The following TRIM4 variants were observed in gnomAD, a reference collection of about 807,000 sequenced individuals.
TRIM4 encodes tripartite motif containing 4.
TRIM4 carries 29 observed loss-of-function variants against 33.7 expected under a neutral mutation model. The ratio of observed to expected loss-of-function variants is 0.86; its 90% confidence interval spans 0.64 to 1.17. The LOEUF (loss-of-function observed/expected upper bound fraction) is 1.17. TRIM4 is among the 50% of genes most tolerant of loss of function. TRIM4 has a pLI of 0.00. For missense variants in TRIM4, 554 were observed against 593.7 expected (o/e 0.93, Z 0.69); for synonymous variants, 224 against 233.0 (o/e 0.96, Z 0.35).
intron 5 of TRIM4, among the ~76,000 whole-genome samples, chr7:99,900,042 T>C (rs1435556633): frequency 6.6e-6 from 1 of 152,182 alleles, no homozygotes; most frequent in Non-Finnish European, 1.5e-5. Context: ...TAACTCAGCC[T>C]CCCAAAGAAT....
rs756832585 is a variant in TRIM4, at chr7:99,919,440, C to A, written c.-39G>T. ...CGCGGAGACGGAGTCCGACGTGAGG[C>A]GCGGGAGAGGCCAGCAAGCTGCGAG... On this transcript the variant is annotated 5_prime_UTR_variant, in exon 1 of 6. Coordinates refer to ENST00000349062, the MANE Select transcript of TRIM4 (RefSeq NM_033091.3). 2 of 1,482,944 alleles carry A rather than the reference C, an allele frequency of 1.3e-6. No individual in the cohort carries two copies. The highest frequency in any genetic ancestry group is 2.7e-5 in the South Asian group (2 of 74,560). The allele number at this position is 1,482,944 out of a possible 1,614,324, so 91.9% of individuals were successfully genotyped here.
In TRIM4 at chr7:99,891,277, C is replaced by CT. The variant is rs1262734146; in HGVS notation, c.*885dup. On this transcript the variant is annotated 3_prime_UTR_variant, in exon 6 of 6. Coordinates refer to ENST00000349062, the MANE Select transcript of TRIM4 (RefSeq NM_033091.3). ...GCTGGCCAATACTGAGCTAGTTACT[C>CT]TAAAGAGTTCAGTTTTCTCATTTGT... The CT allele has an allele frequency of 1.3e-5, 2 of 152,194 alleles. No homozygotes were observed. The highest frequency in any genetic ancestry group is 2.9e-5 in the Non-Finnish European group (2 of 68,044). The allele number at this position is 152,194 out of a possible 1,614,324, so 9.4% of individuals were successfully genotyped here. A position where few individuals can be genotyped will look rare whatever the true frequency, so the allele number is the denominator to read the frequency against.
chr7:99,919,286 T>A lies in TRIM4; in HGVS notation c.116A>T (p.Asn39Ile). 6.4e-7 allele frequency: 1 copy of A among 1,551,626 alleles called. No homozygotes were observed. The highest frequency in any genetic ancestry group is 8.7e-7 in the Non-Finnish European group (1 of 1,148,948). Reference sequence around the variant, plus strand: ...GAACGGGCCGCCGCCCGGCGCCCAGTTGCGGTGCAGGCAGCCGCGGCAGAA... The same window carrying A: ...GAACGGGCCGCCGCCCGGCGCCCAGATGCGGTGCAGGCAGCCGCGGCAGAA... ...HNFCRGCLHR[N>I]WAPGGGPFPC... The change falls in exon 1 of 6, where the codon AAC becomes ATC. Residue 39 changes from asparagine to isoleucine, a missense_variant. Asn to Ile is a moderately radical substitution (Grantham distance 149). Coordinates refer to ENST00000349062, the MANE Select transcript of TRIM4 (RefSeq NM_033091.3).
At chr7:99,911,671 C>G (rs1165990247) in intron 1 of TRIM4, among the ~76,000 whole-genome samples, 1 of 152,128 alleles carries the variant, frequency 6.6e-6, no homozygotes, top group South Asian at 2.1e-4. Context: ...GGGTATGGAG[C>G]AACTGGAACT....
chr7:99,896,940 A>T (rs2151642200), intron 5 of TRIM4, among the ~76,000 whole-genome samples: 1 of 152,362 alleles, frequency 6.6e-6, no homozygotes, highest in East Asian at 1.9e-4. Flanking sequence ...AGCTTGTGGC[A>T]CAGGCAAGGG....
At chr7:99,903,630 C>T (rs374362576) in intron 3 of TRIM4, 32 bp from the exon 4 acceptor site, 29 of 1,614,030 alleles carry the variant, frequency 1.8e-5, no homozygotes, top group African/African-American at 5.3e-5. Context: ...AAGCAAATTA[C>T]GAACCTTCTC....
chr7:99,913,785 T>C (rs1157788634), intron 1 of TRIM4, among the ~76,000 whole-genome samples: 1 of 152,214 alleles, frequency 6.6e-6, no homozygotes, highest in East Asian at 1.9e-4. Context: ...TAAAAGAGCA[T>C]ACTTTTATAG....
intron 3 of TRIM4, among the ~76,000 whole-genome samples, chr7:99,904,430 C>G (rs1010956290): frequency 1.2e-4 from 19 of 152,092 alleles, no homozygotes; most frequent in African/African-American, 4.6e-4. Context: ...TAAGGAGAGA[C>G]AATGACAACC....
chr7:99,907,107 T>C (rs987747846), intron 3 of TRIM4, among the ~76,000 whole-genome samples: 29 of 152,246 alleles, frequency 1.9e-4, no homozygotes, highest in African/African-American at 7.0e-4. Context: ...TCTAGTTTCA[T>C]CTGTTTGTTT....
chr7:99,909,722 T>TA, intron 1 of TRIM4, 62 bp from the exon 2 acceptor site: 22 of 1,252,946 alleles, frequency 1.8e-5, no homozygotes, highest in East Asian at 2.4e-5. Context: ...TCTTCTTTTT[T>TA]CTTTTTGTTT....
Position 99,903,317 on chromosome 7 carries a change from TAAG to T in TRIM4, c.744-5_744-3del, listed in dbSNP as rs1819219790. On this transcript the variant is annotated splice_region_variant and splice_polypyrimidine_tract_variant and intron_variant, in intron 4 of 5. Coordinates refer to ENST00000349062, the MANE Select transcript of TRIM4 (RefSeq NM_033091.3). ...TAGTTCACATCCTGGATCTCACTCC[TAAG>T]AAGGTAGAGAAGACTGCTCTTAGGG... 1 of 1,605,576 alleles carries T rather than the reference TAAG, an allele frequency of 6.2e-7. No individual in the cohort carries two copies. Among genetic ancestry groups the T allele is most frequent in the Non-Finnish European group, 8.5e-7 (1 of 1,173,972 alleles).
chr7:99,914,871 A>G (rs1051157061), intron 1 of TRIM4, among the ~76,000 whole-genome samples: 1 of 151,136 alleles, frequency 6.6e-6, no homozygotes, highest in Non-Finnish European at 1.5e-5. Flanking sequence ...GTGCAGTGAC[A>G]TGATCTCGGC....
At chr7:99,911,778 T>C (rs758831724) in intron 1 of TRIM4, among the ~76,000 whole-genome samples, 6 of 152,156 alleles carry the variant, frequency 3.9e-5, no homozygotes, top group Non-Finnish European at 7.3e-5. Flanking sequence ...GTACAGCAAT[T>C]CTACTCCTAG....
chr7:99,901,805 A>G, intron 5 of TRIM4: 1 of 307,652 alleles, frequency 3.3e-6, no homozygotes, highest in Non-Finnish European at 5.9e-6. Context: ...AGATTTTCAC[A>G]GGCATGTGCT....
intron 1 of TRIM4, 78 bp from the exon 2 acceptor site, chr7:99,909,738 T>G (rs1322933484): frequency 2.3e-5 from 28 of 1,240,120 alleles, no homozygotes; most frequent in African/African-American, 4.7e-5. Flanking sequence ...TGTTTTTTTT[T>G]TTTTTTTTTT....
intron 1 of TRIM4, among the ~76,000 whole-genome samples, chr7:99,917,029 G>A (rs919784406): frequency 8.5e-5 from 13 of 152,194 alleles, no homozygotes; most frequent in South Asian, 2.1e-4. Context: ...GGAATATGCT[G>A]TTCCTTTGGC....
Position 99,908,656 on chromosome 7 carries a change from T to C in TRIM4, c.646A>G (p.Thr216Ala), listed in dbSNP as rs1328268403. 1.2e-6 allele frequency: 2 copies of C among 1,614,036 alleles called. No homozygotes were observed. The highest frequency in any genetic ancestry group is 1.7e-5 in the Admixed American group (1 of 60,004). Residue 216 changes from threonine (T) to alanine (A), a missense_variant, in exon 3 of 6, where the codon ACT becomes GCT. This residue lies in a region of TRIM4 where 290 missense variants were observed against 335.8 expected (regional missense o/e 0.86). Transcript: ENST00000349062. Reference sequence around the variant, plus strand: ...ATGAGCTTCTTCAATGAAGCGATAGTTTGATTGAGTTTTAACGTGTTCTCA... The same window carrying C: ...ATGAGCTTCTTCAATGAAGCGATAGCTTGATTGAGTTTTAACGTGTTCTCA... Reference protein sequence around the residue: ...LNENTLKLNQTIASLKKLILE... With the variant: ...LNENTLKLNQAIASLKKLILE...
intron 1 of TRIM4, among the ~76,000 whole-genome samples, chr7:99,911,315 G>C (rs1344686725): frequency 6.6e-6 from 1 of 152,110 alleles, no homozygotes; most frequent in Non-Finnish European, 1.5e-5. Context: ...GTGAGCAGTT[G>C]GTGAAAAACC....
intron 5 of TRIM4, among the ~76,000 whole-genome samples, chr7:99,895,595 T>C (rs565874902): frequency 6.6e-6 from 1 of 152,254 alleles, no homozygotes; most frequent in East Asian, 1.9e-4. Flanking sequence ...ACTATATCCC[T>C]GCTGATTTAT....
Sources: gnomAD v4.1 joint callset for allele counts (sites outside exome capture counted in the v4.1 genomes callset) on GRCh38, gnomAD v4.1.1 for gene constraint, gnomAD v4.1.1 regional missense constraint, MANE v1.5 for transcripts, NCBI Gene and HGNC (gene_info 2026-07-23, HGNC 2026-07-21) for gene names.